The following EXOC7 variants were observed in gnomAD, a reference collection of about 807,000 sequenced individuals.
EXOC7 encodes the protein exocyst complex component Exo70.
EXOC7 carries 51 observed loss-of-function variants against 87.6 expected under a neutral mutation model. The ratio of observed to expected loss-of-function variants is 0.58; its 90% CI spans 0.46 to 0.73. The LOEUF is 0.73. EXOC7 is among the 30% of genes least tolerant of loss of function. The pLI is 0.00. For missense variants in EXOC7, 744 were observed against 888.4 expected (o/e 0.84, Z 2.07); for synonymous variants, 327 against 357.1 (o/e 0.92, Z 0.95).
At chr17:76,090,095 G>A (rs1243178390) in intron 7 of EXOC7, among the ~76,000 whole-genome samples, 12 of 152,256 alleles carry the variant, frequency 7.9e-5, no homozygotes, top group Admixed American at 5.2e-4. Flanking sequence ...CCTGCTTTCC[G>A]AGGAGCAGCG....
chr17:76,087,306 C>T (rs1245090360), intron 12 of EXOC7: 1 of 403,288 alleles, frequency 2.5e-6, no homozygotes. Flanking sequence ...GCCAGCTGAG[C>T]GAGCCTGATT....
At chr17:76,088,215 G>A in intron 10 of EXOC7, 93 bp from the exon 11 acceptor site, 1 of 1,342,398 alleles carries the variant, frequency 7.4e-7, no homozygotes, top group Admixed American at 1.8e-5. Flanking sequence ...CTGGCAGACG[G>A]GTGCTAGGAC....
intron 6 of EXOC7, 157 bp downstream of exon 6, chr17:76,094,257 G>T: frequency 1.4e-6 from 1 of 724,308 alleles, no homozygotes; most frequent in Non-Finnish European, 2.2e-6. Flanking sequence ...CACTGGGTGG[G>T]TAGACACTTG....
chr17:76,101,516 T>C, intron 3 of EXOC7, 140 bp from the exon 4 acceptor site: 1 of 1,386,024 alleles, frequency 7.2e-7, no homozygotes, highest in Non-Finnish European at 9.8e-7. Context: ...TTTTAAGGCC[T>C]AGGGCTTAAA....
chr17:76,089,364 C>G (rs1436394629), intron 7 of EXOC7, 44 bp from the exon 8 acceptor site: 1 of 1,605,822 alleles, frequency 6.2e-7, no homozygotes, highest in Admixed American at 1.7e-5. Flanking sequence ...TGGGGCCAGC[C>G]ACACTCCTGG....
rs142509959 is a variant in EXOC7 at position 76,089,190 on chromosome 17, G to A, written c.1032C>T (p.Phe344=). ...GGGGCGGGACCTGTATCAGGGAGTC[G>A]AAGGTCTTCTTCTGGTGGTGCTCGG... ...IIPEHHQKKT[F]DSLIQDALDG... is the part of the protein sequence containing the mutation. The change falls in exon 8 of 19, where the codon TTC becomes TTT. Residue 344 remains phenylalanine (F), a synonymous_variant. Transcript: ENST00000589210. 2.2e-4 allele frequency: 359 copies of A among 1,613,532 alleles called. 1 individual carries two copies. Among genetic ancestry groups the A allele is most frequent in the Non-Finnish European group, 2.5e-4 (297 of 1,180,006 alleles).
At chr17:76,091,034 C>A in intron 7 of EXOC7, 109 bp downstream of exon 7, 1 of 926,248 alleles carries the variant, frequency 1.1e-6, no homozygotes, top group South Asian at 1.4e-5. Flanking sequence ...TCCCACCCTG[C>A]TCCCCTCAGG....
chr17:76,094,441 G>C lies in EXOC7; in HGVS notation c.781C>G (p.Pro261Ala). The C allele has an allele frequency of 6.2e-7, 1 of 1,613,870 alleles. No individual in the cohort carries two copies. The highest frequency in any genetic ancestry group is 8.5e-7 in the Non-Finnish European group (1 of 1,179,882). Residue 261 changes from proline to alanine, a missense_variant, in exon 6 of 19, where the codon CCT becomes GCT. Physicochemically the swap from Pro to Ala is conservative, Grantham distance 27. Around this residue, in one of 3 missense-constraint regions of EXOC7, gnomAD observed 512 missense variants for 573.0 expected, o/e 0.89. Coordinates refer to ENST00000589210, the MANE Select transcript of EXOC7 (RefSeq NM_001013839.4). ...PAIPNKRKDT[P>A]TKKPVKRPGT... ...GGCCGCTTGACTGGCTTCTTGGTAG[G>C]TGTGTCTTTCCTCTTGTTGGGGATA...
At chr17:76,092,486 CAG>C (rs1339551810) in intron 6 of EXOC7, 3 of 152,042 alleles carry the variant, frequency 2.0e-5, no homozygotes, top group African/African-American at 7.2e-5. Context: ...TTAGTAGAGA[CAG>C]GGTTTCACCA....
At chr17:76,100,650 T>C (rs2068014203) in intron 4 of EXOC7, among the ~76,000 whole-genome samples, 1 of 151,690 alleles carries the variant, frequency 6.6e-6, no homozygotes, top group South Asian at 2.1e-4. Context: ...AAAAAAAATT[T>C]ATATTATGTA....
chr17:76,098,774 G>A (rs1204903187), intron 4 of EXOC7, among the ~76,000 whole-genome samples: 5 of 151,006 alleles, frequency 3.3e-5, no homozygotes, highest in African/African-American at 7.3e-5. Flanking sequence ...GCTGAGGCAG[G>A]AGAAAGGTGT....
Position 76,094,523 on chromosome 17 carries a change from T to G in EXOC7, c.699A>C (p.Gly233=). Residue 233 remains glycine (G), a synonymous_variant, in exon 6 of 19, where the codon GGA becomes GGC. Coordinates refer to ENST00000589210, the MANE Select transcript of EXOC7 (RefSeq NM_001013839.4). ...TGCTCTTATGGAAATGCTCCTTCAG[T>G]CCTTTGATGGAGCGGTCCAGCTGGC... ...RSSQLDRSIK[G]LKEHFHKSSS... 6.2e-7 allele frequency: 1 copy of G among 1,614,026 alleles called. No homozygotes were observed. Among genetic ancestry groups the G allele is most frequent in the Non-Finnish European group, 8.5e-7 (1 of 1,179,980 alleles).
At position 76,085,396 on chromosome 17, in the gene EXOC7, G is replaced by A; in HGVS notation, c.1630C>T (p.Gln544Ter). 2 of 1,610,004 alleles carry A rather than the reference G, an allele frequency of 1.2e-6. No homozygotes were observed. Among genetic ancestry groups the A allele is most frequent in the Non-Finnish European group, 1.7e-6 (2 of 1,178,998 alleles). The change falls in exon 15 of 19, where the codon CAG becomes TAG. Residue 544 changes from glutamine to a stop codon, truncating the protein, a stop_gained. Coordinates refer to ENST00000589210, the MANE Select transcript of EXOC7 (RefSeq NM_001013839.4). LOFTEE classifies it high-confidence loss of function. ...LKSLEKSELIQLVAVTQKTAE... is the reference protein window; with the variant it reads ...LKSLEKSELI ...GTCTTCTGTGTCACTGCCACCAGCT[G>A]GATCAGTTCAGACCTGGGTCGGGGT...
At position 76,082,517 on chromosome 17, in the gene EXOC7, G is replaced by A. The variant is rs751792417; in HGVS notation, c.*1131C>T. 8.1e-6 allele frequency: 13 copies of A among 1,613,770 alleles called. No homozygotes were observed. Among genetic ancestry groups the A allele is most frequent in the Middle Eastern group, 1.7e-4 (1 of 6,056 alleles). On this transcript the variant is annotated 3_prime_UTR_variant, in exon 19 of 19. Transcript: ENST00000589210. ...AGAAGCTGGCCTGAGACTGCTGACC[G>A]CATCTTCTTCCTCGTGTATGTGGTT...
At position 76,081,281 on chromosome 17, in the gene EXOC7, T is replaced by C. The variant is rs1567946661; in HGVS notation, c.*2367A>G. 5.6e-6 allele frequency: 9 copies of C among 1,613,726 alleles called. No homozygotes were observed. Among genetic ancestry groups the C allele is most frequent in the Admixed American group, 3.3e-5 (2 of 60,010 alleles). ...AGTTCTCATTCCCACCCCTCAGCGATGGAGTTAGAGTTCCAGGCCCACGTG... is the reference window on the plus strand; with the variant it reads ...AGTTCTCATTCCCACCCCTCAGCGACGGAGTTAGAGTTCCAGGCCCACGTG... On this transcript the variant is annotated 3_prime_UTR_variant, in exon 19 of 19. Coordinates refer to ENST00000589210, the MANE Select transcript of EXOC7 (RefSeq NM_001013839.4).
intron 7 of EXOC7, chr17:76,089,549 C>T (rs530850370): frequency 1.6e-5 from 9 of 579,646 alleles, no homozygotes; most frequent in African/African-American, 1.1e-4. Flanking sequence ...CTCGGCTCTG[C>T]GCAGACAGTG....
rs772690022 is a variant in EXOC7, at chr17:76,084,308, T to C, written c.1777-19A>G. 1.9e-6 allele frequency: 3 copies of C among 1,613,346 alleles called. No homozygotes were observed. Among genetic ancestry groups the C allele is most frequent in the South Asian group, 1.1e-5 (1 of 91,082 alleles). On this transcript the variant is annotated intron_variant, in intron 16 of 18. Transcript: ENST00000589210. The stretch of plus-strand genomic sequence containing the variant: ...CCCGGAGCTGGGAAGCCAGGAGAGA[T>C]AGCAGAGAAAGCTCACTTCAGAGCA...
chr17:76,081,973 G>A lies in EXOC7; in HGVS notation c.*1675C>T, dbSNP rs1225574129. 6.8e-6 allele frequency: 11 copies of A among 1,612,370 alleles called. No homozygotes were observed. The highest frequency in any genetic ancestry group is 2.7e-5 in the African/African-American group (2 of 74,892). On this transcript the variant is annotated 3_prime_UTR_variant, in exon 19 of 19. Transcript: ENST00000589210. ...GGCTGCTGGCCCGGGGCAACCTTGG[G>A]GCCAAGAGCGGCCCCAGCCCAGCCC...
Position 76,083,736 on chromosome 17 carries a change from G to A in EXOC7, c.1967C>T (p.Pro656Leu). 1.2e-6 allele frequency: 2 copies of A among 1,613,118 alleles called. No homozygotes were observed. Among genetic ancestry groups the A allele is most frequent in the African/African-American group, 1.3e-5 (1 of 75,028 alleles). The change falls in exon 19 of 19, where the codon CCC (proline) becomes CTC (leucine). Residue 656 changes from proline to leucine, a missense_variant. By Grantham distance (98) the Pro-to-Leu change is moderately conservative (BLOSUM62 -3). Transcript: ENST00000589210. ...GTACTTCTCCGGGTTCTTGGTGAAG[G>A]GCACGCTGCCAAACCTGAGGAGGCA... ...GAFLQKFGSVPFTKNPEKYIK... is the reference protein window; with the variant it reads ...GAFLQKFGSVLFTKNPEKYIK...
Sources: gnomAD v4.1 joint callset for allele counts (sites outside exome capture counted in the v4.1 genomes callset) on GRCh38, gnomAD v4.1.1 for gene constraint, gnomAD v4.1.1 regional missense constraint, MANE v1.5 for transcripts, NCBI Gene and HGNC (gene_info 2026-07-23, HGNC 2026-07-21) for gene names.